CDH8: variants seen among roughly 807,000 people sequenced by gnomAD.
The protein encoded by CDH8 is cadherin 8.
A neutral mutation model predicts 68.1 loss-of-function variants in CDH8; 17 were observed. The ratio of observed to expected loss-of-function variants is 0.25; its 90% CI spans 0.17 to 0.37. The LOEUF (loss-of-function observed/expected upper bound fraction) is 0.37. Among genes scored for constraint, CDH8 ranks in the 10% least tolerant of loss-of-function variants. The probability of loss-of-function intolerance (pLI) is 1.00; values close to 1 mark genes in which losing one functional copy is unlikely to be tolerated. For synonymous variants in CDH8, 372 were observed against 365.1 expected (o/e 1.02, Z -0.21); for missense variants, 763 against 999.3 (o/e 0.76, Z 3.19).
intron 10 of CDH8, among the ~76,000 whole-genome samples, chr16:61,679,237 G>A (rs1237614968): frequency 6.6e-6 from 1 of 152,146 alleles, no homozygotes; most frequent in Non-Finnish European, 1.5e-5. Flanking sequence ...GAGCAAGGAT[G>A]TTGGATTTGT....
At chr16:61,659,426 C>T (rs568840484) in intron 10 of CDH8, among the ~76,000 whole-genome samples, 1 of 152,192 alleles carries the variant, frequency 6.6e-6, no homozygotes, top group Non-Finnish European at 1.5e-5. Context: ...AGTTGGAGGA[C>T]GATTTTCTGG....
intron 2 of CDH8, among the ~76,000 whole-genome samples, chr16:61,989,840 A>G (rs1270455180): frequency 1.3e-5 from 2 of 152,186 alleles, no homozygotes; most frequent in African/African-American, 4.8e-5. Context: ...TTATTGTTAA[A>G]CTTAGGATCT....
chr16:61,755,642 A>C (rs1960292290), intron 8 of CDH8, among the ~76,000 whole-genome samples: 2 of 151,800 alleles, frequency 1.3e-5, no homozygotes, highest in Non-Finnish European at 2.9e-5. Flanking sequence ...TTCTTTAATG[A>C]TTTTCTCTTT....
chr16:61,757,624 A>G (rs1476954527), intron 8 of CDH8, among the ~76,000 whole-genome samples: 2 of 152,136 alleles, frequency 1.3e-5, no homozygotes, highest in African/African-American at 2.4e-5. Flanking sequence ...TCTAAGCTCA[A>G]GTCTTAAGAA....
chr16:61,876,402 T>C (rs1172767642), intron 3 of CDH8, among the ~76,000 whole-genome samples: 1 of 152,098 alleles, frequency 6.6e-6, no homozygotes, highest in Non-Finnish European at 1.5e-5. Flanking sequence ...CCATATTAGA[T>C]TAAAAGATTT....
chr16:61,886,985 T>C (rs1183185113), intron 3 of CDH8, among the ~76,000 whole-genome samples: 1 of 152,202 alleles, frequency 6.6e-6, no homozygotes, highest in African/African-American at 2.4e-5. Context: ...TCAGCGGATG[T>C]TGGACATTCA....
At chr16:61,884,565 G>A (rs956865948) in intron 3 of CDH8, among the ~76,000 whole-genome samples, 6 of 151,816 alleles carry the variant, frequency 4.0e-5, no homozygotes, top group Non-Finnish European at 7.4e-5. Flanking sequence ...GTAGAGACAG[G>A]GTTTCACCAT....
chr16:61,877,770 AAG>A (rs1389362655), intron 3 of CDH8, among the ~76,000 whole-genome samples: 1 of 152,192 alleles, frequency 6.6e-6, no homozygotes, highest in Admixed American at 6.6e-5. Flanking sequence ...GAAAGAGAAA[AAG>A]AGAAAATGAA....
intron 8 of CDH8, among the ~76,000 whole-genome samples, chr16:61,757,262 T>C (rs1430439086): frequency 6.6e-6 from 1 of 152,130 alleles, no homozygotes; most frequent in Admixed American, 6.5e-5. Flanking sequence ...AATAAGTAAA[T>C]ATTTAAAGGG....
chr16:61,940,809 A>T (rs1361574869), intron 2 of CDH8: 1 of 152,220 alleles, frequency 6.6e-6, no homozygotes, highest in Non-Finnish European at 1.5e-5. Flanking sequence ...AGCGGCTTGG[A>T]AATAAAATGC....
chr16:61,898,936 C>T (rs752449307), intron 3 of CDH8, among the ~76,000 whole-genome samples: 1 of 151,708 alleles, frequency 6.6e-6, no homozygotes, highest in Non-Finnish European at 1.5e-5. Context: ...CCAAAAGTGA[C>T]TGCTATGCCA....
intron 2 of CDH8, among the ~76,000 whole-genome samples, chr16:61,992,706 T>C (rs1965747160): frequency 6.6e-6 from 1 of 152,218 alleles, no homozygotes; most frequent in Non-Finnish European, 1.5e-5. Flanking sequence ...CAGGAAGTAC[T>C]GGATATAGCA....
intron 4 of CDH8, among the ~76,000 whole-genome samples, chr16:61,836,074 T>C (rs531969627): frequency 2.8e-4 from 43 of 152,084 alleles, no homozygotes; most frequent in African/African-American, 1.0e-3. Flanking sequence ...AAATTTTAAT[T>C]GAATTGATCT....
chr16:61,934,067 G>GATACCTGA (rs1964589556), intron 2 of CDH8: 1 of 152,070 alleles, frequency 6.6e-6, no homozygotes, highest in South Asian at 2.1e-4. Flanking sequence ...AAACTAAGAA[G>GATACCTGA]ATAATACCTG....
intron 2 of CDH8, chr16:61,940,135 GA>G (rs1412124749): frequency 2.0e-5 from 3 of 151,954 alleles, no homozygotes; most frequent in Non-Finnish European, 4.4e-5. Context: ...GTTAGTCATA[GA>G]TTTTTTTTTA....
chr16:61,684,304 G>A (rs1010848347), intron 10 of CDH8, among the ~76,000 whole-genome samples: 2 of 151,928 alleles, frequency 1.3e-5, no homozygotes, highest in Admixed American at 6.6e-5. Context: ...GCTAAAGTGA[G>A]TGTAAATTAC....
At chr16:61,880,088 G>A (rs1316149341) in intron 3 of CDH8, among the ~76,000 whole-genome samples, 1 of 151,982 alleles carries the variant, frequency 6.6e-6, no homozygotes, top group South Asian at 2.1e-4. Context: ...ACCACGCCCT[G>A]CTAATTTTTG....
chr16:61,804,335 T>A (rs905655529), intron 7 of CDH8, among the ~76,000 whole-genome samples: 7 of 151,596 alleles, frequency 4.6e-5, no homozygotes, highest in African/African-American at 1.7e-4. Context: ...AGAGGGAAAT[T>A]TATAGCACTA....
intron 8 of CDH8, among the ~76,000 whole-genome samples, chr16:61,751,397 A>C (rs977778570): frequency 6.7e-6 from 1 of 149,062 alleles, no homozygotes; most frequent in African/African-American, 2.5e-5. Context: ...AAAAAAAAAA[A>C]AAAAAAAAAA....
Sources: gnomAD v4.1 joint callset for allele counts (sites outside exome capture counted in the v4.1 genomes callset) on GRCh38, gnomAD v4.1.1 for gene constraint, MANE v1.5 for transcripts, NCBI Gene and HGNC (gene_info 2026-07-23, HGNC 2026-07-21) for gene names.